The following LRRC4C variants were observed in gnomAD, a reference collection of about 807,000 sequenced individuals.
The protein encoded by LRRC4C is leucine-rich repeat-containing protein 4C.
LRRC4C carries 5 observed loss-of-function variants against 33.6 expected under a neutral mutation model. The observed-to-expected ratio is 0.15, with a 90% CI of 0.08 to 0.31. LRRC4C has a LOEUF of 0.31. Ranked by LOEUF, LRRC4C falls within the 10% of genes least tolerant of loss-of-function variation. The pLI, the probability that LRRC4C is intolerant of heterozygous loss-of-function variation, is 1.00. For synonymous variants in LRRC4C, 329 were observed against 302.0 expected (o/e 1.09, Z -0.93); for missense variants, 560 against 796.7 (o/e 0.70, Z 3.58).
intron 6 of LRRC4C, among the ~76,000 whole-genome samples, chr11:40,131,084 G>A (rs7934434): frequency 0.02 from 3,110 of 152,262 alleles, 115 homozygotes; most frequent in African/African-American, 0.071. Context: ...TTTTCTCAAA[G>A]ACAGAAACTG....
chr11:40,688,143 G>A (rs11036018), intron 2 of LRRC4C, among the ~76,000 whole-genome samples: 34,474 of 152,046 alleles, frequency 0.23, 6,088 homozygotes, highest in African/African-American at 0.5. Flanking sequence ...TCATTATCCC[G>A]TAATTAGTTT....
intron 2 of LRRC4C, among the ~76,000 whole-genome samples, chr11:40,708,755 G>C (rs562095778): frequency 2.0e-5 from 3 of 151,388 alleles, no homozygotes; most frequent in Non-Finnish European, 2.9e-5. Flanking sequence ...TTTAGTCCTG[G>C]ATATCCTTTT....
intron 2 of LRRC4C, among the ~76,000 whole-genome samples, chr11:40,869,745 T>C (rs1002782157): frequency 6.6e-6 from 1 of 152,164 alleles, no homozygotes; most frequent in Non-Finnish European, 1.5e-5. Flanking sequence ...CGCAAGAACC[T>C]GGAAGTTTGC....
chr11:41,271,316 C>T (rs930978214), intron 1 of LRRC4C, among the ~76,000 whole-genome samples: 9 of 152,192 alleles, frequency 5.9e-5, no homozygotes, highest in Admixed American at 2.0e-4. Context: ...CTGAACAAAG[C>T]CACAAGTCCT....
intron 2 of LRRC4C, among the ~76,000 whole-genome samples, chr11:40,782,242 A>AT (rs545575516): frequency 6.6e-6 from 1 of 151,892 alleles, no homozygotes; most frequent in African/African-American, 2.4e-5. Flanking sequence ...TCATAGTAAC[A>AT]TTTTTTTGGT....
chr11:41,105,464 A>G (rs1941440455), intron 1 of LRRC4C, among the ~76,000 whole-genome samples: 1 of 152,030 alleles, frequency 6.6e-6, no homozygotes, highest in Non-Finnish European at 1.5e-5. Context: ...GCTCTCCAAG[A>G]GCAAAGTAGT....
chr11:40,834,121 A>C (rs970581944), intron 2 of LRRC4C, among the ~76,000 whole-genome samples: 4 of 152,190 alleles, frequency 2.6e-5, no homozygotes, highest in Non-Finnish European at 4.4e-5. Context: ...GAGTTAAAAA[A>C]AATAATCTCA....
rs11035808 is a variant in LRRC4C at position 40,369,618 on chromosome 11, G to A, written c.-269-49897C>T. Among the ~76,000 whole-genome samples the A allele has an allele frequency of 6.9e-3, 1,056 of 152,344 alleles. 27 individuals are homozygous for A. The highest frequency in any genetic ancestry group is 0.065 in the East Asian group (335 of 5,184). On this transcript the variant is annotated intron_variant, in intron 3 of 6. Coordinates refer to ENST00000528697, the MANE Select transcript of LRRC4C (RefSeq NM_001258419.2). ...CTCCCAAAGTGCTGGGATTAAAGGC[G>A]TAAGCCAACACACCCAGCCATTCTG...
At chr11:40,780,020 G>A (rs1950155075) in intron 2 of LRRC4C, among the ~76,000 whole-genome samples, 1 of 152,140 alleles carries the variant, frequency 6.6e-6, no homozygotes, top group Non-Finnish European at 1.5e-5. Context: ...TTTACTAGCA[G>A]AATGGTTCGA....
intron 1 of LRRC4C, among the ~76,000 whole-genome samples, chr11:41,227,834 T>A (rs183643354): frequency 4.9e-4 from 74 of 152,284 alleles, no homozygotes; most frequent in African/African-American, 1.6e-3. Context: ...ACTATTGGAT[T>A]GATACAGTCT....
intron 3 of LRRC4C, among the ~76,000 whole-genome samples, chr11:40,591,125 G>C (rs2135734828): frequency 6.6e-6 from 1 of 152,282 alleles, no homozygotes; most frequent in East Asian, 1.9e-4. Context: ...CTAGCAATCA[G>C]TGAGACTCCG....
intron 1 of LRRC4C, among the ~76,000 whole-genome samples, chr11:41,385,673 T>C (rs1169170905): frequency 6.6e-6 from 1 of 151,238 alleles, no homozygotes; most frequent in African/African-American, 2.4e-5. Flanking sequence ...TTAAAAACAC[T>C]AAAAATCTAA....
intron 3 of LRRC4C, among the ~76,000 whole-genome samples, chr11:40,542,671 C>T (rs1369029134): frequency 6.6e-6 from 1 of 152,020 alleles, no homozygotes; most frequent in Non-Finnish European, 1.5e-5. Context: ...CACTTGATCA[C>T]TTGCTTGCTC....
intron 1 of LRRC4C, among the ~76,000 whole-genome samples, chr11:41,349,590 C>T (rs1464599786): frequency 6.6e-6 from 1 of 152,140 alleles, no homozygotes; most frequent in Non-Finnish European, 1.5e-5. Flanking sequence ...AGAAATGGAG[C>T]TAATTGACTA....
rs1206940383 is a variant in LRRC4C, at chr11:40,514,127, T to C, written c.-270+134015A>G. The stretch of plus-strand genomic sequence containing the variant: ...TATTCCAGCAAAACTATGTGATCCT[T>C]ACAGTAGAGTGACAAAGACCTGGGT... On this transcript the variant is annotated intron_variant, in intron 3 of 6. Transcript: ENST00000528697. 2.6e-5 allele frequency among the ~76,000 whole-genome samples: 4 copies of C among 152,168 alleles called. No individual in the cohort carries two copies. In the East Asian group the frequency reaches 7.7e-4, roughly 29 times the overall value.
chr11:41,384,248 T>A (rs1953267048), intron 1 of LRRC4C, among the ~76,000 whole-genome samples: 1 of 151,924 alleles, frequency 6.6e-6, no homozygotes, highest in Admixed American at 6.6e-5. Context: ...AGTAAATATG[T>A]TTTTCAGAAT....
At chr11:40,991,365 G>A (rs1210054544) in intron 1 of LRRC4C, among the ~76,000 whole-genome samples, 1 of 152,062 alleles carries the variant, frequency 6.6e-6, no homozygotes, top group African/African-American at 2.4e-5. Context: ...TCAGGCATGA[G>A]TAAAAGATCA....
chr11:41,095,067 A>C lies in LRRC4C; in HGVS notation c.-495-161344T>G, dbSNP rs144993976. ...CACTGCTATGAAAATACTATCTGAG[A>C]CTGGGTAATTTATCAACAAAAGAGG... On this transcript the variant is annotated intron_variant, in intron 1 of 6. Coordinates refer to ENST00000528697, the MANE Select transcript of LRRC4C (RefSeq NM_001258419.2). Among the ~76,000 whole-genome samples, 1,005 of 152,282 alleles carry C rather than the reference A, an allele frequency of 6.6e-3. 13 individuals are homozygous for C. Among genetic ancestry groups the C allele is most frequent in the African/African-American group, 0.022 (925 of 41,548 alleles).
intron 1 of LRRC4C, among the ~76,000 whole-genome samples, chr11:41,211,585 T>A (rs563067845): frequency 1.3e-5 from 2 of 152,214 alleles, no homozygotes; most frequent in African/African-American, 2.4e-5. Flanking sequence ...CAGTGTTTGG[T>A]TTTTTGTCCT....
Sources: allele counts gnomAD v4.1 joint callset (sites outside exome capture counted in the v4.1 genomes callset), GRCh38; gene constraint gnomAD v4.1.1; transcripts MANE v1.5; gene names NCBI Gene and HGNC (gene_info 2026-07-23, HGNC 2026-07-21).